Variants in ZNF736 observed in about 807,000 individuals in gnomAD.
The protein encoded by ZNF736 is zinc finger protein 736, also known as KRAB-containing zinc-finger repressor protein.
In ZNF736, 6 loss-of-function variants were observed where a neutral mutation model predicts 11.7. That is an observed-to-expected ratio of 0.51 (90% CI 0.28 to 1.01). The LOEUF is 1.01. Among genes scored for constraint, ZNF736 ranks in the 50% least tolerant of loss-of-function variants. The pLI is 0.09. For missense variants in ZNF736, 444 were observed against 496.0 expected, an observed-to-expected ratio of 0.90 and a Z score of 1.00; for synonymous variants, 139 against 164.7, an observed-to-expected ratio of 0.84 and a Z score of 1.19.
chr7:64,330,408 T>A (rs624502), intron 1 of ZNF736, among the ~76,000 whole-genome samples: 5 of 151,912 alleles, frequency 3.3e-5, no homozygotes, highest in African/African-American at 1.2e-4. Context: ...CCGACCGCCT[T>A]GGCCTCCCAA....
At position 64,350,767 on chromosome 7, in the gene ZNF736, T is replaced by TG. The variant is rs1789475160; in HGVS notation, c.*1620_*1621insG. 1.4e-5 allele frequency: 2 copies of TG among 144,680 alleles called. No individual in the cohort carries two copies. Among genetic ancestry groups the TG allele is most frequent in the African/African-American group, 2.6e-5 (1 of 37,774 alleles). 9.0% of individuals were successfully genotyped at this position (144,680 alleles called of 1,614,324 possible). Reference sequence around the variant, plus strand: ...CAACAGGCTTTGTTCCTGGGAGGTTTTTTTTGTTTTGTTTTGTTTTGTTTT... The same window carrying TG: ...CAACAGGCTTTGTTCCTGGGAGGTTTGTTTTTGTTTTGTTTTGTTTTGTTTT... On this transcript the variant is annotated 3_prime_UTR_variant, in exon 4 of 4. Coordinates refer to ENST00000423484, the MANE Select transcript of ZNF736 (RefSeq NM_001170905.3).
intron 1 of ZNF736, among the ~76,000 whole-genome samples, chr7:64,319,315 A>ATGTGTG (rs1163181565): frequency 1.2e-5 from 1 of 82,760 alleles, no homozygotes; most frequent in African/African-American, 4.9e-5. Context: ...GTGTATATGT[A>ATGTGTG]TGTGTGTGTG....
At position 64,351,244 on chromosome 7, in the gene ZNF736, T is replaced by C. The variant is rs1372778942; in HGVS notation, c.*2097T>C. Reference sequence around the variant, plus strand: ...TGGCTCTCTGCCCACCAAAGTTTCATCTACAATGGCAGTTGCTGGGGGTGG... The same window carrying C: ...TGGCTCTCTGCCCACCAAAGTTTCACCTACAATGGCAGTTGCTGGGGGTGG... On this transcript the variant is annotated 3_prime_UTR_variant, in exon 4 of 4. Coordinates refer to ENST00000423484, the MANE Select transcript of ZNF736 (RefSeq NM_001170905.3). 6.6e-6 allele frequency: 1 copy of C among 152,388 alleles called. No homozygotes were observed. Among genetic ancestry groups the C allele is most frequent in the African/African-American group, 2.4e-5 (1 of 41,446 alleles). 9.4% of individuals were successfully genotyped at this position (152,388 alleles called of 1,614,324 possible). A position where few individuals can be genotyped will look rare whatever the true frequency, so the allele number is the denominator to read the frequency against.
intron 1 of ZNF736, among the ~76,000 whole-genome samples, chr7:64,319,653 G>A (rs1391390653): frequency 1.3e-5 from 2 of 150,674 alleles, no homozygotes; most frequent in African/African-American, 4.9e-5. Flanking sequence ...CTGCCACCAC[G>A]CCTGGCTAAT....
chr7:64,317,727 C>T (rs1211841926), intron 1 of ZNF736, among the ~76,000 whole-genome samples: 1 of 151,950 alleles, frequency 6.6e-6, no homozygotes, highest in East Asian at 1.9e-4. Context: ...CAGCTTTGAC[C>T]ATACAAGATT....
chr7:64,332,022 A>G (rs894155023), intron 1 of ZNF736, among the ~76,000 whole-genome samples: 1 of 152,186 alleles, frequency 6.6e-6, no homozygotes, highest in Non-Finnish European at 1.5e-5. Flanking sequence ...AGTTTTGCTC[A>G]TGCTTCAAAG....
In ZNF736 at chr7:64,354,295, A is replaced by G. The variant is rs2115990970; in HGVS notation, c.*5148A>G. The G allele has an allele frequency of 6.6e-6, 1 of 152,306 alleles. No individual in the cohort carries two copies. Among genetic ancestry groups the G allele is most frequent in the Non-Finnish European group, 1.5e-5 (1 of 67,990 alleles). The allele number at this position is 152,306 out of a possible 1,614,324, so 9.4% of individuals were successfully genotyped here. Reference sequence around the variant, plus strand: ...TTTTGGTTTACATGGATTTAAATATATAGATATATCACTGTAAAATAAACT... The same window carrying G: ...TTTTGGTTTACATGGATTTAAATATGTAGATATATCACTGTAAAATAAACT... On this transcript the variant is annotated 3_prime_UTR_variant, in exon 4 of 4. Coordinates refer to ENST00000423484, the MANE Select transcript of ZNF736 (RefSeq NM_001170905.3).
chr7:64,329,108 T>C (rs1187672577), intron 1 of ZNF736, among the ~76,000 whole-genome samples: 1 of 152,150 alleles, frequency 6.6e-6, no homozygotes. Context: ...TTTGCTAGAT[T>C]CTTCAAAATT....
intron 1 of ZNF736, among the ~76,000 whole-genome samples, chr7:64,324,316 A>G (rs769033562): frequency 9.9e-5 from 15 of 152,188 alleles, no homozygotes; most frequent in Non-Finnish European, 2.1e-4. Context: ...GTGCCTGTGA[A>G]TCACTCAGCA....
At chr7:64,328,263 T>TTC (rs1476781707) in intron 1 of ZNF736, among the ~76,000 whole-genome samples, 1 of 151,604 alleles carries the variant, frequency 6.6e-6, no homozygotes, top group African/African-American at 2.4e-5. Flanking sequence ...TGTTTTTTTT[T>TTC]TTATGGTAGA....
At chr7:64,342,858 A>G (rs1562675363) in intron 3 of ZNF736, among the ~76,000 whole-genome samples, 2 of 152,098 alleles carry the variant, frequency 1.3e-5, no homozygotes, top group African/African-American at 2.4e-5. Flanking sequence ...GTGATTGTAT[A>G]AATTTATTTC....
Position 64,349,168 on chromosome 7 carries a change from C to T in ZNF736, c.*21C>T, listed in dbSNP as rs1789453931. 6.7e-7 allele frequency: 1 copy of T among 1,491,056 alleles called. No individual in the cohort carries two copies. The highest frequency in any genetic ancestry group is 1.4e-5 in the African/African-American group (1 of 71,020). The allele number at this position is 1,491,056 out of a possible 1,614,324, so 92.4% of individuals were successfully genotyped here. A position where few individuals can be genotyped will look rare whatever the true frequency, so the allele number is the denominator to read the frequency against. On this transcript the variant is annotated 3_prime_UTR_variant, in exon 4 of 4. Coordinates refer to ENST00000423484, the MANE Select transcript of ZNF736 (RefSeq NM_001170905.3). The stretch of plus-strand genomic sequence containing the variant: ...GTTAAAAATGTGGAAAAGCCTTTAC[C>T]AAGTCCTCATACTGTGTTCAACATC...
intron 1 of ZNF736, among the ~76,000 whole-genome samples, chr7:64,318,179 A>G (rs1788943115): frequency 6.6e-6 from 1 of 151,934 alleles, no homozygotes; most frequent in South Asian, 2.1e-4. Context: ...AGGGCATACT[A>G]ACAGATCTAA....
chr7:64,330,742 A>G (rs2115909498), intron 1 of ZNF736, among the ~76,000 whole-genome samples: 1 of 152,272 alleles, frequency 6.6e-6, no homozygotes, highest in Middle Eastern at 3.4e-3. Flanking sequence ...TCAAGGCCCA[A>G]GGGCTCTTTA....
At chr7:64,319,331 GTGTATATATATATA>G (rs1270410281) in intron 1 of ZNF736, among the ~76,000 whole-genome samples, 93 of 75,528 alleles carry the variant, frequency 1.2e-3, no homozygotes, top group Middle Eastern at 7.4e-3. Flanking sequence ...GTGTGTGTAT[GTGTATATATATATA>G]TATATATATA....
At chr7:64,342,867 T>G (rs1411692565) in intron 3 of ZNF736, among the ~76,000 whole-genome samples, 1 of 152,124 alleles carries the variant, frequency 6.6e-6, no homozygotes, top group Non-Finnish European at 1.5e-5. Flanking sequence ...TAAATTTATT[T>G]CTAATTATTT....
intron 1 of ZNF736, among the ~76,000 whole-genome samples, chr7:64,320,105 C>G (rs755313586): frequency 2.0e-5 from 3 of 152,128 alleles, no homozygotes; most frequent in African/African-American, 7.2e-5. Flanking sequence ...AAAACCAACA[C>G]AAACATTCAT....
At chr7:64,316,603 C>T (rs1190619053) in intron 1 of ZNF736, among the ~76,000 whole-genome samples, 1 of 152,212 alleles carries the variant, frequency 6.6e-6, no homozygotes, top group African/African-American at 2.4e-5. Context: ...AAGTGATTGA[C>T]ACATGAGTCT....
chr7:64,320,442 AT>A (rs766895177), intron 1 of ZNF736, among the ~76,000 whole-genome samples: 7 of 152,342 alleles, frequency 4.6e-5, no homozygotes, highest in South Asian at 4.1e-4. Flanking sequence ...ATTAATTATT[AT>A]GTATGTAATG....
Sources: allele counts gnomAD v4.1 joint callset (sites outside exome capture counted in the v4.1 genomes callset), GRCh38; gene constraint gnomAD v4.1.1; transcripts MANE v1.5; gene names NCBI Gene and HGNC (gene_info 2026-07-23, HGNC 2026-07-21).